Variants in CBR3 observed in about 807,000 individuals in gnomAD.
CBR3 encodes the protein carbonyl reductase [NADPH] 3.
A neutral mutation model predicts 11.6 loss-of-function variants in CBR3; 14 were observed. The ratio of observed to expected loss-of-function variants is 1.20; its 90% CI spans 0.79 to 1.88. CBR3 has a LOEUF of 1.88. Among genes scored for constraint, CBR3 ranks in the 40% most tolerant of loss-of-function variants. The pLI is 0.00. For synonymous variants in CBR3, 125 were observed against 145.6 expected (o/e 0.86, Z 1.02); for missense variants, 308 against 357.3 (o/e 0.86, Z 1.11).
intron 2 of CBR3, among the ~76,000 whole-genome samples, chr21:36,142,326 G>A (rs1159122957): frequency 6.6e-6 from 1 of 151,200 alleles, no homozygotes; most frequent in East Asian, 1.9e-4. Flanking sequence ...CAGCTACTTG[G>A]GAGACTGAGG....
chr21:36,135,900 T>C (rs184421043), intron 1 of CBR3, among the ~76,000 whole-genome samples: 157 of 152,360 alleles, frequency 1.0e-3, no homozygotes, highest in African/African-American at 3.5e-3. Context: ...GGCGCATTCA[T>C]AGATGCCCGG....
At chr21:36,135,621 C>G in intron 1 of CBR3, 140 bp downstream of exon 1, 1 of 783,364 alleles carries the variant, frequency 1.3e-6, no homozygotes, top group Non-Finnish European at 1.9e-6. Context: ...CCCACGCCTC[C>G]CGCGAGGCGG....
At chr21:36,139,122 C>A (rs537240389) in intron 2 of CBR3, among the ~76,000 whole-genome samples, 4 of 152,266 alleles carry the variant, frequency 2.6e-5, no homozygotes, top group African/African-American at 9.6e-5. Flanking sequence ...ACTTTTCCTA[C>A]AAACATTGGA....
intron 1 of CBR3, among the ~76,000 whole-genome samples, chr21:36,135,923 G>A (rs1308522795): frequency 6.6e-6 from 1 of 152,210 alleles, no homozygotes; most frequent in African/African-American, 2.4e-5. Flanking sequence ...GCATTTGCTC[G>A]GGAAAGGAAA....
At chr21:36,142,331 C>T (rs1384868435) in intron 2 of CBR3, among the ~76,000 whole-genome samples, 1 of 148,416 alleles carries the variant, frequency 6.7e-6, no homozygotes. Flanking sequence ...ACTTGGGAGA[C>T]TGAGGCAGGA....
intron 1 of CBR3, among the ~76,000 whole-genome samples, 161 bp from the exon 2 acceptor site, chr21:36,137,664 G>C (rs1031980755): frequency 6.6e-6 from 1 of 152,078 alleles, no homozygotes; most frequent in African/African-American, 2.4e-5. Flanking sequence ...CAAGTGATTC[G>C]GATGCAGACT....
intron 2 of CBR3, chr21:36,141,343 A>C (rs2065707959): frequency 6.6e-6 from 1 of 152,052 alleles, no homozygotes; most frequent in Admixed American, 6.6e-5. Context: ...GGTGCTTTGA[A>C]CGCTTACATT....
In CBR3 at chr21:36,146,297, A is replaced by G; in HGVS notation, c.619A>G (p.Ile207Val). The change falls in exon 3 of 3, where the codon ATC becomes GTC. Residue 207 changes from isoleucine (I) to valine (V), a missense_variant. Physicochemically the swap from Ile to Val is conservative, Grantham distance 29. Coordinates refer to ENST00000290354, the MANE Select transcript of CBR3 (RefSeq NM_001236.4). ...GTTGGGGGTCACGGTCTTATCGAGG[A>G]TCCTGGCCAGGCGTCTGGATGAGAA... ...SKLGVTVLSR[I>V]LARRLDEKRK... 2 of 1,614,170 alleles carry G rather than the reference A, an allele frequency of 1.2e-6. No individual in the cohort carries two copies. The highest frequency in any genetic ancestry group is 1.7e-6 in the Non-Finnish European group (2 of 1,180,040).
intron 2 of CBR3, among the ~76,000 whole-genome samples, chr21:36,145,392 T>C (rs2065745996): frequency 6.6e-6 from 1 of 151,872 alleles, no homozygotes; most frequent in Non-Finnish European, 1.5e-5. Flanking sequence ...TGTAGTGGAG[T>C]GTAGTGGTGT....
intron 2 of CBR3, among the ~76,000 whole-genome samples, chr21:36,142,626 T>A (rs1213584726): frequency 6.6e-6 from 1 of 152,042 alleles, no homozygotes; most frequent in Non-Finnish European, 1.5e-5. Context: ...ATGCCCTTGC[T>A]ACCATATATA....
rs1289691285 is a variant in CBR3, at chr21:36,146,360, C to T, written c.682C>T (p.Pro228Ser). Residue 228 changes from proline (P) to serine (S), a missense_variant, in exon 3 of 3, where the codon CCA becomes TCA. Transcript: ENST00000290354. ...CAGGATTCTGGTGAATGCGTGCTGC[C>T]CAGGACCAGTGAAGACAGACATGGA... ...ADRILVNACCPGPVKTDMDGK... is the reference protein window; with the variant it reads ...ADRILVNACCSGPVKTDMDGK... The T allele has an allele frequency of 6.2e-7, 1 of 1,614,066 alleles. No individual in the cohort carries two copies. Among genetic ancestry groups the T allele is most frequent in the South Asian group, 1.1e-5 (1 of 91,078 alleles).
chr21:36,139,375 G>T (rs907384602), intron 2 of CBR3, among the ~76,000 whole-genome samples: 4 of 129,658 alleles, frequency 3.1e-5, no homozygotes, highest in Admixed American at 1.8e-4. Context: ...AAATGTGCTT[G>T]CTTTTTCTTT....
chr21:36,138,199 G>A, intron 2 of CBR3: 1 of 343,610 alleles, frequency 2.9e-6, no homozygotes, highest in Admixed American at 4.2e-5. Flanking sequence ...GCAGGCTGTA[G>A]TGCAATGGTG....
In CBR3 at chr21:36,135,242, T is replaced by C. The variant is rs1226098657; in HGVS notation, c.50T>C (p.Ile17Thr). The change falls in exon 1 of 3, where the codon ATC becomes ACC. Residue 17 changes from isoleucine to threonine, a missense_variant. Physicochemically the swap from Ile to Thr is moderately conservative, Grantham distance 89. Coordinates refer to ENST00000290354, the MANE Select transcript of CBR3 (RefSeq NM_001236.4). Reference protein sequence around the residue: ...VALVTGANRGIGLAIARELCR... With the variant: ...VALVTGANRGTGLAIARELCR... ...CTGGTGACCGGGGCCAACAGGGGCA[T>C]CGGCTTGGCCATCGCGCGCGAACTG... 11 of 1,567,612 alleles carry C rather than the reference T, an allele frequency of 7.0e-6. No individual in the cohort carries two copies. The East Asian group carries it at 2.6e-4, about 37-fold the overall frequency.
intron 1 of CBR3, among the ~76,000 whole-genome samples, chr21:36,136,266 G>A (rs1158397981): frequency 6.7e-6 from 1 of 148,738 alleles, no homozygotes; most frequent in Non-Finnish European, 1.5e-5. Flanking sequence ...CCGAGATCGC[G>A]CCACTGCACT....
In CBR3 at chr21:36,135,442, C is replaced by T. The variant is rs9282628; in HGVS notation, c.250C>T (p.Leu84Phe). The T allele has an allele frequency of 6.2e-7, 1 of 1,613,454 alleles. No individual in the cohort carries two copies. The highest frequency in any genetic ancestry group is 2.2e-5 in the East Asian group (1 of 44,830). ...RDFLRKEYGG[L>F]NVLVNNAAVA... ...CTTCCTGCGCAAGGAGTACGGGGGGCTCAACGTACTGGTCAACAACGCGGC... is the reference window on the plus strand; with the variant it reads ...CTTCCTGCGCAAGGAGTACGGGGGGTTCAACGTACTGGTCAACAACGCGGC... The change falls in exon 1 of 3, where the codon CTC becomes TTC. Residue 84 changes from leucine to phenylalanine, a missense_variant. By Grantham distance (22) the Leu-to-Phe change is conservative. Coordinates refer to ENST00000290354, the MANE Select transcript of CBR3 (RefSeq NM_001236.4).
rs1420816947 is a variant in CBR3 at position 36,146,374 on chromosome 21, G to C, written c.696G>C (p.Lys232Asn). Residue 232 changes from lysine to asparagine, a missense_variant, in exon 3 of 3, where the codon AAG becomes AAC. By Grantham distance (94) the Lys-to-Asn change is moderately conservative. Transcript: ENST00000290354. ...LVNACCPGPV[K>N]TDMDGKDSIR... ...ATGCGTGCTGCCCAGGACCAGTGAAGACAGACATGGATGGGAAAGACAGCA... is the reference window on the plus strand; with the variant it reads ...ATGCGTGCTGCCCAGGACCAGTGAACACAGACATGGATGGGAAAGACAGCA... 2.5e-6 allele frequency: 4 copies of C among 1,614,056 alleles called. No homozygotes were observed. The highest frequency in any genetic ancestry group is 3.4e-6 in the Non-Finnish European group (4 of 1,180,038).
intron 2 of CBR3, 140 bp from the exon 3 acceptor site, chr21:36,145,936 G>A (rs535325023): frequency 3.1e-6 from 2 of 655,232 alleles, no homozygotes; most frequent in South Asian, 2.1e-5. Flanking sequence ...ACTCTAGCCT[G>A]GGCAACAGGG....
At chr21:36,142,322 C>G (rs769217047) in intron 2 of CBR3, among the ~76,000 whole-genome samples, 7 of 149,920 alleles carry the variant, frequency 4.7e-5, no homozygotes, top group Non-Finnish European at 1.0e-4. Context: ...GTCCCAGCTA[C>G]TTGGGAGACT....
Sources: allele counts gnomAD v4.1 joint callset (sites outside exome capture counted in the v4.1 genomes callset), GRCh38; gene constraint gnomAD v4.1.1; transcripts MANE v1.5; gene names NCBI Gene and HGNC (gene_info 2026-07-23, HGNC 2026-07-21).